Variants in SAXO1 observed in about 807,000 individuals in gnomAD.
SAXO1 encodes the protein 4930500O09Rik.
SAXO1 carries 21 observed loss-of-function variants against 17.5 expected under a neutral mutation model. That is an observed-to-expected ratio of 1.20 (90% confidence interval 0.85 to 1.72). The LOEUF (loss-of-function observed/expected upper bound fraction) is 1.72, where lower values mean the gene tolerates loss of function less well. SAXO1 is among the 40% of genes most tolerant of loss of function. The probability of loss-of-function intolerance (pLI) is 0.00; values close to 1 mark genes in which losing one functional copy is unlikely to be tolerated. For synonymous variants in SAXO1, 274 were observed against 216.5 expected, an observed-to-expected ratio of 1.27 and a Z score of -2.33; for missense variants, 843 against 596.0, an observed-to-expected ratio of 1.41 and a Z score of -4.32.
At chr9:18,966,961 T>C (rs929307013) in intron 1 of SAXO1, among the ~76,000 whole-genome samples, 5 of 152,238 alleles carry the variant, frequency 3.3e-5, no homozygotes, top group Non-Finnish European at 7.3e-5. Flanking sequence ...ATTGATGCTA[T>C]TGCTTTCTGT....
At chr9:19,040,905 A>G (rs571483172) in intron 1 of SAXO1, among the ~76,000 whole-genome samples, 38 of 152,250 alleles carry the variant, frequency 2.5e-4, no homozygotes, top group African/African-American at 9.1e-4. Context: ...TGAATTTTAT[A>G]GAATTAAAAT....
At chr9:19,027,147 A>C in intron 1 of SAXO1, 3 of 1,104,860 alleles carry the variant, frequency 2.7e-6, no homozygotes, top group Non-Finnish European at 4.2e-6. Flanking sequence ...TGTTGATCCC[A>C]ATGATCAAGA....
chr9:18,927,751 T>C lies in SAXO1; in HGVS notation c.*301A>G, dbSNP rs1433700692. 2 of 301,526 alleles carry C rather than the reference T, an allele frequency of 6.6e-6. No individual in the cohort carries two copies. The highest frequency in any genetic ancestry group is 4.3e-5 in the African/African-American group (2 of 46,562). 18.7% of individuals were successfully genotyped at this position (301,526 alleles called of 1,614,324 possible). On this transcript the variant is annotated 3_prime_UTR_variant, in exon 4 of 4. Transcript: ENST00000380534. ...TCATACAATGATTAAATTAATAAAATACATCTGGATCAGAGAAACCCTCAC... is the reference window on the plus strand; with the variant it reads ...TCATACAATGATTAAATTAATAAAACACATCTGGATCAGAGAAACCCTCAC...
chr9:19,039,031 T>C (rs1278307520), intron 1 of SAXO1, among the ~76,000 whole-genome samples: 1 of 152,124 alleles, frequency 6.6e-6, no homozygotes, highest in Non-Finnish European at 1.5e-5. Context: ...CCCAAACTTA[T>C]TGCTGTATAC....
At chr9:18,942,098 C>G (rs1831587504) in intron 2 of SAXO1, among the ~76,000 whole-genome samples, 1 of 116,374 alleles carries the variant, frequency 8.6e-6, no homozygotes, top group African/African-American at 5.7e-5. Context: ...CACCAGTGCC[C>G]CTCCACCTCA....
intron 2 of SAXO1, among the ~76,000 whole-genome samples, chr9:18,948,959 C>T (rs1457657228): frequency 2.0e-5 from 3 of 152,138 alleles, no homozygotes; most frequent in African/African-American, 7.2e-5. Flanking sequence ...CCTTTCCTAC[C>T]GATTACATGT....
chr9:19,000,396 G>A (rs10811090), intron 1 of SAXO1, among the ~76,000 whole-genome samples: 54,127 of 146,928 alleles, frequency 0.37, 10,720 homozygotes, highest in Middle Eastern at 0.45. Context: ...AGTGAGGAGC[G>A]CCTCCACCTG....
chr9:18,941,802 C>G lies in SAXO1; in HGVS notation c.256G>C (p.Val86Leu), dbSNP rs767141622. The G allele has an allele frequency of 7.4e-6, 12 of 1,614,066 alleles. No individual in the cohort carries two copies. In the Admixed American group the frequency reaches 8.3e-5, roughly 11 times the overall value. ...FGPHKVAPVK[V>L]HQYDQFVPSE... ...GGGACGAACTGGTCATACTGGTGGA[C>G]CTTCACTGGTGCCACTTTGTGAGGC... is the stretch of plus-strand genomic sequence containing the variant. Residue 86 changes from valine (V) to leucine (L), a missense_variant, in exon 3 of 4, where the codon GTC becomes CTC. Val to Leu is a conservative substitution (Grantham distance 32, BLOSUM62 1). Coordinates refer to ENST00000380534, the MANE Select transcript of SAXO1 (RefSeq NM_153707.4).
intron 1 of SAXO1, among the ~76,000 whole-genome samples, chr9:19,006,816 C>T (rs944098855): frequency 6.6e-6 from 1 of 152,120 alleles, no homozygotes; most frequent in Non-Finnish European, 1.5e-5. Context: ...GAGGCTGAGG[C>T]AGGAGTATCA....
In SAXO1 at chr9:18,976,618, C is replaced by G. The variant is rs548500351; in HGVS notation, c.39-25681G>C. ...TGGCCTAAAGTGTCTTTGATTGTAACTATGGGAAAGACTTTCATCCGCACT... is the reference window on the plus strand; with the variant it reads ...TGGCCTAAAGTGTCTTTGATTGTAAGTATGGGAAAGACTTTCATCCGCACT... On this transcript the variant is annotated intron_variant, in intron 1 of 3. Transcript: ENST00000380534. Among the ~76,000 whole-genome samples the G allele has an allele frequency of 4.8e-4, 73 of 151,002 alleles. 1 individual carries two copies. Among genetic ancestry groups the G allele is most frequent in the African/African-American group, 1.7e-3 (70 of 41,192 alleles).
intron 1 of SAXO1, among the ~76,000 whole-genome samples, chr9:18,969,058 GTTTT>G (rs4007662): frequency 0.19 from 27,607 of 147,434 alleles, 5,297 homozygotes; most frequent in African/African-American, 0.49. Flanking sequence ...TCTTTTTGCA[GTTTT>G]TTTTTTTGTC....
rs1830872900 is a variant in SAXO1 at position 18,928,420 on chromosome 9, C to A, written c.1057G>T (p.Glu353Ter). The change falls in exon 4 of 4, where the codon GAG becomes TAG. Residue 353 changes from glutamate (E) to a stop codon, truncating the protein, a stop_gained. Coordinates refer to ENST00000380534, the MANE Select transcript of SAXO1 (RefSeq NM_153707.4). LOFTEE classifies it low-confidence loss of function (END_TRUNC). ...DYKQWSSMRT[E>*]PVKPVPQLDL... ...AGCTGGGGAACGGGCTTGACTGGCT[C>A]TGTGCGCATGCTGGACCACTGCTTG... is the stretch of plus-strand genomic sequence containing the variant. 1.2e-6 allele frequency: 2 copies of A among 1,608,914 alleles called. No homozygotes were observed. The highest frequency in any genetic ancestry group is 1.7e-6 in the Non-Finnish European group (2 of 1,177,020).
At chr9:18,969,193 A>C (rs546123316) in intron 1 of SAXO1, among the ~76,000 whole-genome samples, 2 of 152,326 alleles carry the variant, frequency 1.3e-5, no homozygotes, top group African/African-American at 4.8e-5. Context: ...ACCTGGGTAA[A>C]ACAGGCTCTT....
At chr9:19,044,820 G>A (rs1006299555) in intron 1 of SAXO1, among the ~76,000 whole-genome samples, 8 of 151,806 alleles carry the variant, frequency 5.3e-5, no homozygotes, top group African/African-American at 1.7e-4. Flanking sequence ...CCGAGATGGC[G>A]CCACTGCACT....
At chr9:18,985,883 A>G (rs1292094933) in intron 1 of SAXO1, among the ~76,000 whole-genome samples, 1 of 152,256 alleles carries the variant, frequency 6.6e-6, no homozygotes, top group Non-Finnish European at 1.5e-5. Flanking sequence ...TTTGGCAGGT[A>G]TGTCTAACGT....
chr9:18,995,794 T>C (rs907898736), intron 1 of SAXO1, among the ~76,000 whole-genome samples: 6 of 152,214 alleles, frequency 3.9e-5, no homozygotes, highest in African/African-American at 1.4e-4. Context: ...AGTTTTATTA[T>C]ATAAGCTGGG....
At chr9:19,021,263 G>A (rs1835221464) in intron 1 of SAXO1, among the ~76,000 whole-genome samples, 1 of 152,184 alleles carries the variant, frequency 6.6e-6, no homozygotes, top group African/African-American at 2.4e-5. Flanking sequence ...AGCTAGGGCT[G>A]GGGTAGCCAC....
intron 1 of SAXO1, among the ~76,000 whole-genome samples, chr9:18,981,834 T>G (rs1379580781): frequency 6.6e-6 from 1 of 152,206 alleles, no homozygotes. Context: ...GGGCCCACCG[T>G]AAGTGCCAGA....
rs1347275145 is a variant in SAXO1 at position 18,928,710 on chromosome 9, T to C, written c.767A>G (p.Lys256Arg). ...GLMGEPAKSL[K>R]PLARPPGLDM... ...TAGCCCAGGAGGCCTGGCTAGAGGT[T>C]TCAAGCTCTTGGCAGGCTCCCCCAT... The change falls in exon 4 of 4, where the codon AAA becomes AGA. Residue 256 changes from lysine to arginine, a missense_variant. Transcript: ENST00000380534. 6.2e-7 allele frequency: 1 copy of C among 1,614,094 alleles called. No individual in the cohort carries two copies. The highest frequency in any genetic ancestry group is 1.7e-5 in the Admixed American group (1 of 60,014).
Sources: allele counts gnomAD v4.1 joint callset (sites outside exome capture counted in the v4.1 genomes callset), GRCh38; gene constraint gnomAD v4.1.1; transcripts MANE v1.5; gene names NCBI Gene and HGNC (gene_info 2026-07-23, HGNC 2026-07-21).